Variants in FBN1 observed in about 807,000 individuals in gnomAD.
FBN1 encodes fibrillin 1.
A neutral mutation model predicts 365.1 loss-of-function variants in FBN1; 29 were observed. The ratio of observed to expected loss-of-function variants is 0.08; its 90% CI spans 0.06 to 0.11. The LOEUF (loss-of-function observed/expected upper bound fraction) is 0.11, where lower values mean the gene tolerates loss of function less well. Ranked by LOEUF, FBN1 falls within the 10% of genes least tolerant of loss-of-function variation. The pLI, the probability that FBN1 is intolerant of heterozygous loss-of-function variation, is 1.00. For missense variants in FBN1, 2,476 were observed against 3,703.2 expected (o/e 0.67, Z 8.60); for synonymous variants, 1,210 against 1,270.5 (o/e 0.95, Z 1.01).
rs556518064 is a variant in FBN1 at position 48,469,635 on chromosome 15, G to A, written c.4459+999C>T. 4.6e-5 allele frequency among the ~76,000 whole-genome samples: 7 copies of A among 152,238 alleles called. No individual in the cohort carries two copies. The East Asian group carries it at 1.3e-3, about 29-fold the overall frequency. On this transcript the variant is annotated intron_variant, in intron 36 of 65. Transcript: ENST00000316623. ...TCCCCTTGGATCTGGCAACCCTCCT[G>A]CGGGTTGCGCTGCAGATGATTTTTT... is the stretch of plus-strand genomic sequence containing the variant.
intron 4 of FBN1, among the ~76,000 whole-genome samples, chr15:48,600,885 C>T (rs1417628088): frequency 6.6e-6 from 1 of 151,942 alleles, no homozygotes; most frequent in Admixed American, 6.6e-5. Flanking sequence ...ATAATTTTCC[C>T]GTGAAAAGAT....
chr15:48,516,711 A>T (rs1597581840), intron 10 of FBN1, among the ~76,000 whole-genome samples: 1 of 152,200 alleles, frequency 6.6e-6, no homozygotes. Flanking sequence ...ACATTAAAAA[A>T]TTTGAATTTT....
chr15:48,479,932 T>C (rs2043453942), intron 32 of FBN1, among the ~76,000 whole-genome samples: 1 of 152,218 alleles, frequency 6.6e-6, no homozygotes, highest in African/African-American at 2.4e-5. Flanking sequence ...GCAATGGCTT[T>C]CACTAAAATG....
At position 48,468,061 on chromosome 15, in the gene FBN1, CTCGAGG is replaced by C; in HGVS notation, c.4618_4623del (p.Pro1540_Arg1541del). ...CTGCAGGCTGTATCTCCATTGTCTC[CTCGAGG>C]TCGAATATCCAAATAGCAATTTCCA... On this transcript the variant is annotated inframe_deletion, in exon 38 of 66. Coordinates refer to ENST00000316623, the MANE Select transcript of FBN1 (RefSeq NM_000138.5). 3.1e-6 allele frequency: 5 copies of C among 1,614,166 alleles called. No homozygotes were observed. Among genetic ancestry groups the C allele is most frequent in the Non-Finnish European group, 4.2e-6 (5 of 1,180,030 alleles).
chr15:48,542,756 T>C (rs1029223921), intron 6 of FBN1, among the ~76,000 whole-genome samples: 2 of 151,194 alleles, frequency 1.3e-5, no homozygotes, highest in African/African-American at 4.9e-5. Context: ...TCCCCAAGAT[T>C]ATTTCTGCCC....
intron 17 of FBN1, among the ~76,000 whole-genome samples, chr15:48,499,569 G>A (rs1326341536): frequency 6.6e-6 from 1 of 152,044 alleles, no homozygotes; most frequent in Admixed American, 6.6e-5. Context: ...TATGTATCAG[G>A]ATACTGGATT....
chr15:48,460,166 G>T, intron 43 of FBN1, 80 bp downstream of exon 43: 1 of 1,029,906 alleles, frequency 9.7e-7, no homozygotes, highest in South Asian at 1.3e-5. Flanking sequence ...TTTCCTTTAA[G>T]AAAAAAATGG....
chr15:48,417,448 T>TTTCTTTCCTTCC (rs1555393969), intron 63 of FBN1, among the ~76,000 whole-genome samples: 11 of 91,446 alleles, frequency 1.2e-4, no homozygotes, highest in Non-Finnish European at 2.0e-4. Context: ...CCCTCCCTCC[T>TTTCTTTCCTTCC]TTCCTTCCTT....
intron 8 of FBN1, among the ~76,000 whole-genome samples, chr15:48,528,279 T>C (rs949348695): frequency 6.6e-6 from 1 of 152,242 alleles, no homozygotes; most frequent in African/African-American, 2.4e-5. Flanking sequence ...GAATTAACAT[T>C]GGCAGAATGG....
chr15:48,583,635 G>A (rs1335759804), intron 6 of FBN1, among the ~76,000 whole-genome samples: 2 of 152,138 alleles, frequency 1.3e-5, no homozygotes, highest in African/African-American at 4.8e-5. Flanking sequence ...TTTCTGAATA[G>A]ACAAGTTCAT....
chr15:48,427,186 G>A (rs564611574), intron 58 of FBN1, among the ~76,000 whole-genome samples: 1 of 152,276 alleles, frequency 6.6e-6, no homozygotes, highest in East Asian at 1.9e-4. Context: ...ATGCAATACA[G>A]TTTGGCCAGT....
rs2043066928 is a variant in FBN1 at position 48,435,790 on chromosome 15, G to GTGTGTC, written c.6497-1078_6497-1077insGACACA. 1.5e-4 allele frequency among the ~76,000 whole-genome samples: 16 copies of GTGTGTC among 105,912 alleles called. No individual in the cohort carries two copies. The South Asian group carries it at 4.6e-3, about 30-fold the overall frequency. 69.5% of individuals were successfully genotyped at this position (105,912 alleles called of 152,430 possible). A position where few individuals can be genotyped will look rare whatever the true frequency, so the allele number is the denominator to read the frequency against. ...TGTGTATATGTGTGTGTGTGTGTGT[G>GTGTGTC]TGTGTGTGTGTGTGTGTGTGTATAT... On this transcript the variant is annotated intron_variant, in intron 53 of 65. Coordinates refer to ENST00000316623, the MANE Select transcript of FBN1 (RefSeq NM_000138.5).
chr15:48,606,023 A>C (rs1450558126), intron 4 of FBN1, among the ~76,000 whole-genome samples: 1 of 152,224 alleles, frequency 6.6e-6, no homozygotes, highest in Non-Finnish European at 1.5e-5. Context: ...CCACAGTAAG[A>C]GATGACTACA....
In FBN1 at chr15:48,437,975, C is replaced by T. The variant is rs150882233; in HGVS notation, c.6164-58G>A. The T allele has an allele frequency of 9.5e-4, 1,496 of 1,572,336 alleles. 11 individuals are homozygous for T. The African/African-American group carries it at 0.019, about 20-fold the overall frequency. On this transcript the variant is annotated intron_variant, in intron 50 of 65. Transcript: ENST00000316623. Reference sequence around the variant, plus strand: ...CTTTCCTACTGAGTCCGTATTGCACCATAGCAAATAAAGAACAACCCACTA... The same window carrying T: ...CTTTCCTACTGAGTCCGTATTGCACTATAGCAAATAAAGAACAACCCACTA...
At chr15:48,623,952 C>T (rs1370835932) in intron 2 of FBN1, among the ~76,000 whole-genome samples, 1 of 127,938 alleles carries the variant, frequency 7.8e-6, no homozygotes, top group African/African-American at 2.8e-5. Flanking sequence ...CTCACATACA[C>T]ACACACAAAG....
chr15:48,550,708 A>T (rs1389150144), intron 6 of FBN1, among the ~76,000 whole-genome samples: 1 of 152,030 alleles, frequency 6.6e-6, no homozygotes, highest in Non-Finnish European at 1.5e-5. Context: ...ACGTCTTTGC[A>T]AATGCCATCT....
At position 48,474,380 on chromosome 15, in the gene FBN1, T is replaced by C. The variant is rs1313685486; in HGVS notation, c.4088-3A>G. ...TCCATTGGAACATTCGTCCAGATCTTATAGAAAAAGGTTATATCATTATTA... is the reference window on the plus strand; with the variant it reads ...TCCATTGGAACATTCGTCCAGATCTCATAGAAAAAGGTTATATCATTATTA... On this transcript the variant is annotated splice_region_variant and splice_polypyrimidine_tract_variant and intron_variant, in intron 33 of 65. Coordinates refer to ENST00000316623, the MANE Select transcript of FBN1 (RefSeq NM_000138.5). The C allele has an allele frequency of 6.2e-7, 1 of 1,614,090 alleles. No individual in the cohort carries two copies. The highest frequency in any genetic ancestry group is 2.2e-5 in the East Asian group (1 of 44,876).
chr15:48,494,997 CG>C (rs2043592319), intron 22 of FBN1, 125 bp downstream of exon 22: 1 of 1,065,112 alleles, frequency 9.4e-7, no homozygotes, highest in Non-Finnish European at 1.4e-6. Flanking sequence ...GCAATATGTT[CG>C]GGGCCATCAG....
intron 55 of FBN1, among the ~76,000 whole-genome samples, chr15:48,432,052 G>C (rs1270821433): frequency 6.6e-6 from 1 of 151,958 alleles, no homozygotes; most frequent in African/African-American, 2.4e-5. Flanking sequence ...TTCTCTACTG[G>C]TTCTTCCCTC....
Sources: gnomAD v4.1 joint callset for allele counts (sites outside exome capture counted in the v4.1 genomes callset) on GRCh38, gnomAD v4.1.1 for gene constraint, MANE v1.5 for transcripts, NCBI Gene and HGNC (gene_info 2026-07-23, HGNC 2026-07-21) for gene names.